Variants in FABP6 observed in about 807,000 individuals in gnomAD.
The protein encoded by FABP6 is gastrotropin.
In FABP6, 13 loss-of-function variants were observed where a neutral mutation model predicts 14.9. The observed-to-expected ratio is 0.87, with a 90% CI of 0.57 to 1.39. The LOEUF (loss-of-function observed/expected upper bound fraction) is 1.39, where lower values mean the gene tolerates loss of function less well. FABP6 is among the 40% of genes most tolerant of loss of function. The pLI, the probability that FABP6 is intolerant of heterozygous loss-of-function variation, is 0.00. For synonymous variants in FABP6, 75 were observed against 63.6 expected (o/e 1.18, Z -0.85); for missense variants, 161 against 167.2 (o/e 0.96, Z 0.20).
intron 2 of FABP6, among the ~76,000 whole-genome samples, chr5:160,203,930 A>G (rs1759702348): frequency 6.6e-6 from 1 of 151,892 alleles, no homozygotes; most frequent in East Asian, 1.9e-4. Flanking sequence ...CGAACTCCTG[A>G]CCTCAGGTGA....
rs1454181478 is a variant in FABP6, at chr5:160,232,405, AC to A, written c.243+133del. The A allele has an allele frequency of 1.7e-5, 15 of 897,124 alleles. No homozygotes were observed. The Admixed American group carries it at 3.8e-4, about 23-fold the overall frequency. The allele number at this position is 897,124 out of a possible 1,614,324, so 55.6% of individuals were successfully genotyped here. The stretch of plus-strand genomic sequence containing the variant: ...GCCTCCAGCATTAGGAGCTTGAGTT[AC>A]TTGGCAATTTAATGCTCCTGATTTT... On this transcript the variant is annotated intron_variant, in intron 2 of 3. Coordinates refer to ENST00000402432, the MANE Select transcript of FABP6 (RefSeq NM_001445.3).
chr5:160,215,346 T>A (rs1034818967), intron 3 of FABP6, among the ~76,000 whole-genome samples: 47 of 152,076 alleles, frequency 3.1e-4, no homozygotes, highest in African/African-American at 1.1e-3. Flanking sequence ...AAACCCCGTC[T>A]TTACTAAAAA....
chr5:160,213,956 C>T, intron 3 of FABP6: 2 of 716,618 alleles, frequency 2.8e-6, no homozygotes, highest in Non-Finnish European at 4.9e-6. Context: ...TTAGGTTGCA[C>T]CATCTGAAAT....
At position 160,202,213 on chromosome 5, in the gene FABP6, C is replaced by T. The variant is rs140839745; in HGVS notation, c.51+3056C>T. On this transcript the variant is annotated intron_variant, in intron 2 of 6. Coordinates refer to the FABP6 transcript ENST00000393980. ...CCTCAGTATTGTCATTATCATTCATCGAAGTGCCATGAAGGAGAAGTGGCA... is the reference window on the plus strand; with the variant it reads ...CCTCAGTATTGTCATTATCATTCATTGAAGTGCCATGAAGGAGAAGTGGCA... 1.1e-4 allele frequency among the ~76,000 whole-genome samples: 16 copies of T among 152,246 alleles called. No homozygotes were observed. The East Asian group carries it at 2.3e-3, about 22-fold the overall frequency.
chr5:160,213,629 A>T, intron 2 of FABP6: 1 of 888,590 alleles, frequency 1.1e-6, no homozygotes, highest in Non-Finnish European at 1.9e-6. Flanking sequence ...GCTTGCAATT[A>T]AGAGCGCTGC....
intron 3 of FABP6, 36 bp downstream of exon 3, chr5:160,234,945 A>C (rs1292334677): frequency 6.3e-7 from 1 of 1,584,170 alleles, no homozygotes. Context: ...TGATTATTGG[A>C]TATTTGTCTG....
chr5:160,214,152 T>TTTCTTTCTTTTTCTTTCA (rs755078967), intron 3 of FABP6, among the ~76,000 whole-genome samples: 11 of 129,010 alleles, frequency 8.5e-5, no homozygotes, highest in African/African-American at 2.7e-4. Context: ...TCTTTCTTTC[T>TTTCTTTCTTTTTCTTTCA]TTCTTTCCTT....
chr5:160,232,064 C>A, intron 1 of FABP6, 34 bp from the exon 2 acceptor site: 1 of 1,610,214 alleles, frequency 6.2e-7, no homozygotes, highest in Non-Finnish European at 8.5e-7. Flanking sequence ...AAAAGCAGCT[C>A]TTATATGGCT....
chr5:160,214,390 C>T (rs1759971256), intron 3 of FABP6, among the ~76,000 whole-genome samples: 1 of 151,962 alleles, frequency 6.6e-6, no homozygotes, highest in Non-Finnish European at 1.5e-5. Context: ...GTCTTGCACT[C>T]TTGGCCTCAA....
intron 1 of FABP6, among the ~76,000 whole-genome samples, chr5:160,194,656 G>A (rs1453990318): frequency 6.6e-6 from 1 of 152,120 alleles, no homozygotes; most frequent in Non-Finnish European, 1.5e-5. Flanking sequence ...CCTATCCACC[G>A]CACTCCAACT....
chr5:160,221,249 C>T (rs1760122435), intron 3 of FABP6, among the ~76,000 whole-genome samples: 1 of 151,974 alleles, frequency 6.6e-6, no homozygotes, highest in South Asian at 2.1e-4. Flanking sequence ...ACTCTAAAGC[C>T]CAGGTTCCCC....
At chr5:160,199,474 C>A (rs575748642) in intron 2 of FABP6, among the ~76,000 whole-genome samples, 11 of 152,158 alleles carry the variant, frequency 7.2e-5, no homozygotes, top group South Asian at 2.1e-4. Flanking sequence ...GGCTCACCCC[C>A]TCCTGCGCCA....
At chr5:160,236,082 C>T (rs1413016383) in intron 3 of FABP6, among the ~76,000 whole-genome samples, 1 of 147,768 alleles carries the variant, frequency 6.8e-6, no homozygotes, top group Non-Finnish European at 1.5e-5. Context: ...GTGGCATGAT[C>T]TTGGCTCACT....
chr5:160,225,789 C>T (rs564240586), upstream of FABP6, among the ~76,000 whole-genome samples: 1 of 151,794 alleles, frequency 6.6e-6, no homozygotes, highest in East Asian at 1.9e-4. Flanking sequence ...ATTTATGTGG[C>T]GTGTGGTTAT....
intron 2 of FABP6, among the ~76,000 whole-genome samples, chr5:160,212,369 T>C (rs1759911255): frequency 6.6e-6 from 1 of 152,092 alleles, no homozygotes; most frequent in Non-Finnish European, 1.5e-5. Context: ...TTAGCCAGGT[T>C]GGTCTCCATC....
intron 3 of FABP6, among the ~76,000 whole-genome samples, chr5:160,215,397 C>CT (rs2113110973): frequency 6.6e-6 from 1 of 152,158 alleles, no homozygotes; most frequent in African/African-American, 2.4e-5. Context: ...CCTGTAATCC[C>CT]AGCTACTAGG....
chr5:160,220,442 C>T (rs1457208732), intron 3 of FABP6, among the ~76,000 whole-genome samples: 2 of 151,944 alleles, frequency 1.3e-5, no homozygotes, highest in Admixed American at 1.3e-4. Context: ...GGCCTCGTCT[C>T]TACTAAAAGT....
chr5:160,199,012 G>C (rs1759572112), intron 1 of FABP6: 2 of 1,264,600 alleles, frequency 1.6e-6, no homozygotes, highest in African/African-American at 2.9e-5. Context: ...GGTCTCCAGA[G>C]CCCCTCCCAG....
intron 3 of FABP6, among the ~76,000 whole-genome samples, chr5:160,221,037 C>T (rs900428432): frequency 3.5e-5 from 5 of 144,068 alleles, no homozygotes; most frequent in African/African-American, 1.3e-4. Context: ...TGCAGTGAGC[C>T]GAGATTGTAC....
Sources: gnomAD v4.1 joint callset for allele counts (sites outside exome capture counted in the v4.1 genomes callset) on GRCh38, gnomAD v4.1.1 for gene constraint, MANE v1.5 for transcripts, NCBI Gene and HGNC (gene_info 2026-07-23, HGNC 2026-07-21) for gene names.